The following SCGB2B2 variants were observed in gnomAD, a reference collection of about 807,000 sequenced individuals.
SCGB2B2 encodes secretoglobin-like protein.
SCGB2B2 carries 11 observed loss-of-function variants against 7.6 expected under a neutral mutation model. The observed-to-expected ratio is 1.45, with a 90% confidence interval of 0.91 to 2.40. SCGB2B2 has a LOEUF of 2.40. Ranked by LOEUF, SCGB2B2 falls within the 30% of genes most tolerant of loss-of-function variation. The probability of loss-of-function intolerance (pLI) is 0.00; values close to 1 mark genes in which losing one functional copy is unlikely to be tolerated. For synonymous variants in SCGB2B2, 50 were observed against 48.6 expected, an observed-to-expected ratio of 1.03 and a Z score of -0.12; for missense variants, 104 against 115.4, an observed-to-expected ratio of 0.90 and a Z score of 0.45.
chr19:34,594,020 T>C (rs1048092553), intron 3 of SCGB2B2, among the ~76,000 whole-genome samples, 155 bp downstream of exon 3: 1 of 152,010 alleles, frequency 6.6e-6, no homozygotes, highest in South Asian at 2.1e-4. Context: ...GAGGGCCCTG[T>C]TGGGGCAGGT....
chr19:34,626,440 C>T (rs2066379070), intron 1 of SCGB2B2, among the ~76,000 whole-genome samples: 2 of 152,122 alleles, frequency 1.3e-5, no homozygotes, highest in Non-Finnish European at 1.5e-5. Context: ...AAAACCACGG[C>T]ATGAGAACTA....
At chr19:34,672,134 T>C (rs1344502683) in intron 1 of SCGB2B2, among the ~76,000 whole-genome samples, 2 of 151,956 alleles carry the variant, frequency 1.3e-5, no homozygotes, top group Admixed American at 6.6e-5. Context: ...AAATAAATAA[T>C]TAAATGAATA....
chr19:34,602,928 A>G (rs1270384808), intron 1 of SCGB2B2, among the ~76,000 whole-genome samples: 1 of 152,182 alleles, frequency 6.6e-6, no homozygotes, highest in African/African-American at 2.4e-5. Context: ...AGAATGAACC[A>G]TCATTTTTTA....
intron 1 of SCGB2B2, among the ~76,000 whole-genome samples, chr19:34,642,896 G>T (rs571903014): frequency 1.3e-5 from 2 of 152,076 alleles, no homozygotes; most frequent in South Asian, 4.1e-4. Context: ...GTTATTAAAA[G>T]GACAAAAACC....
At chr19:34,657,420 T>C (rs1292168379) in intron 1 of SCGB2B2, among the ~76,000 whole-genome samples, 1 of 150,514 alleles carries the variant, frequency 6.6e-6, no homozygotes, top group Non-Finnish European at 1.5e-5. Flanking sequence ...ACCAAGCAAA[T>C]GGAAAGCAAA....
At chr19:34,605,843 C>G (rs1031258569) in intron 1 of SCGB2B2, among the ~76,000 whole-genome samples, 5 of 152,146 alleles carry the variant, frequency 3.3e-5, no homozygotes, top group African/African-American at 1.2e-4. Context: ...ATCCACCCAC[C>G]TCAGCCTCCG....
intron 1 of SCGB2B2, among the ~76,000 whole-genome samples, chr19:34,644,368 T>G (rs1020561538): frequency 6.7e-6 from 1 of 150,222 alleles, no homozygotes; most frequent in Non-Finnish European, 1.5e-5. Flanking sequence ...TTTTGTTTTT[T>G]TTTTTTTACT....
chr19:34,665,482 A>G (rs1478569407), intron 1 of SCGB2B2, among the ~76,000 whole-genome samples: 8 of 152,154 alleles, frequency 5.3e-5, no homozygotes, highest in Non-Finnish European at 1.2e-4. Flanking sequence ...CAAGGCTGAA[A>G]GTGCAAGCTT....
At chr19:34,624,113 G>C (rs192693851) in intron 1 of SCGB2B2, among the ~76,000 whole-genome samples, 1 of 152,320 alleles carries the variant, frequency 6.6e-6, no homozygotes, top group African/African-American at 2.4e-5. Context: ...TGAAATGTTA[G>C]GTAAAAACTG....
At chr19:34,593,687 A>C (rs1184111201) in intron 3 of SCGB2B2, 88 bp from the exon 4 acceptor site, 1 of 1,080,854 alleles carries the variant, frequency 9.3e-7, no homozygotes, top group Non-Finnish European at 1.4e-6. Flanking sequence ...CCGAGCTCAG[A>C]GGAGCTCCTT....
intron 1 of SCGB2B2, among the ~76,000 whole-genome samples, chr19:34,615,639 T>A (rs2066052696): frequency 6.6e-6 from 1 of 152,168 alleles, no homozygotes; most frequent in South Asian, 2.1e-4. Context: ...AATTTTATTT[T>A]CTTGTAGTGT....
intron 1 of SCGB2B2, among the ~76,000 whole-genome samples, chr19:34,613,708 C>T (rs768398549): frequency 6.6e-6 from 1 of 152,138 alleles, no homozygotes; most frequent in Non-Finnish European, 1.5e-5. Flanking sequence ...TATGTATCTG[C>T]CCCACCCATA....
intron 1 of SCGB2B2, among the ~76,000 whole-genome samples, chr19:34,662,540 T>C (rs2067489316): frequency 6.6e-6 from 1 of 151,700 alleles, no homozygotes; most frequent in Non-Finnish European, 1.5e-5. Flanking sequence ...ACATGAAGCA[T>C]AAAGTATAAC....
At chr19:34,656,022 C>T (rs941298855) in intron 1 of SCGB2B2, among the ~76,000 whole-genome samples, 3 of 151,310 alleles carry the variant, frequency 2.0e-5, no homozygotes, top group Non-Finnish European at 4.4e-5. Context: ...ATCACCTCTA[C>T]ATCCCCCAAT....
intron 1 of SCGB2B2, among the ~76,000 whole-genome samples, chr19:34,664,938 G>T (rs910168227): frequency 2.0e-5 from 3 of 151,030 alleles, no homozygotes; most frequent in Non-Finnish European, 3.0e-5. Context: ...TCCTGCAAAT[G>T]CCCTGACCCA....
intron 1 of SCGB2B2, among the ~76,000 whole-genome samples, chr19:34,629,359 A>T (rs932855897): frequency 2.0e-5 from 3 of 152,060 alleles, no homozygotes; most frequent in African/African-American, 7.2e-5. Context: ...ATGATTGTAC[A>T]TTTAGAAAAC....
chr19:34,645,777 G>A (rs1351031534), intron 1 of SCGB2B2: 5 of 305,790 alleles, frequency 1.6e-5, no homozygotes, highest in Admixed American at 4.0e-5. Context: ...CTCCTTCACC[G>A]TCATTGCCAT....
downstream of SCGB2B2, among the ~76,000 whole-genome samples, chr19:34,587,600 T>C (rs1600027004): frequency 6.6e-6 from 1 of 152,318 alleles, no homozygotes; most frequent in East Asian, 1.9e-4. Context: ...CATTCTTGCC[T>C]TGTTCCAGAT....
At chr19:34,654,812 T>G (rs2067241804) in intron 1 of SCGB2B2, among the ~76,000 whole-genome samples, 1 of 151,002 alleles carries the variant, frequency 6.6e-6, no homozygotes, top group South Asian at 2.1e-4. Context: ...ACCCCTAGCC[T>G]CTGGGCCTTC....
Sources: allele counts gnomAD v4.1 joint callset (sites outside exome capture counted in the v4.1 genomes callset), GRCh38; gene constraint gnomAD v4.1.1; transcripts MANE v1.5; gene names NCBI Gene and HGNC (gene_info 2026-07-23, HGNC 2026-07-21).